CCDC22: variants seen among roughly 807,000 people sequenced by gnomAD.
The protein encoded by CCDC22 is CCC complex scaffolding subunit CCDC22, also known as coiled-coil domain-containing protein 22.
In CCDC22, 4 loss-of-function variants were observed where a neutral mutation model predicts 53.1. That is an observed-to-expected ratio of 0.08 (90% CI 0.04 to 0.17). The LOEUF (loss-of-function observed/expected upper bound fraction) is 0.17. CCDC22 is among the 10% of genes least tolerant of loss of function. CCDC22 has a pLI of 1.00. For missense variants in CCDC22, 458 were observed against 554.0 expected (o/e 0.83, Z 1.74); for synonymous variants, 222 against 224.4 (o/e 0.99, Z 0.10).
intron 1 of CCDC22, among the ~76,000 whole-genome samples, chrX:49,236,144 C>T (rs1432165166): frequency 1.8e-5 from 2 of 109,071 alleles, no homozygotes; most frequent in Non-Finnish European, 3.8e-5. Flanking sequence ...GGACCAGATA[C>T]TTGGGATCCT....
At chrX:49,243,527 C>T in intron 6 of CCDC22, 65 bp downstream of exon 6, 1 of 914,848 alleles carries the variant, frequency 1.1e-6, no homozygotes, top group Non-Finnish European at 1.5e-6. Flanking sequence ...CGCTGGTCCT[C>T]TGCTCTCCTT....
intron 6 of CCDC22, 154 bp downstream of exon 6, chrX:49,243,616 C>A: frequency 2.1e-6 from 1 of 472,199 alleles, no homozygotes; most frequent in Non-Finnish European, 3.4e-6. Flanking sequence ...ACACTGGAGT[C>A]AGAAAAAAGG....
rs929912995 is a variant in CCDC22, at chrX:49,249,647, C to T, written c.1696-4C>T. 3.3e-6 allele frequency: 4 copies of T among 1,210,539 alleles called. No homozygotes were observed. Among genetic ancestry groups the T allele is most frequent in the Non-Finnish European group, 4.5e-6 (4 of 895,083 alleles). On this transcript the variant is annotated splice_polypyrimidine_tract_variant and splice_region_variant and intron_variant, in intron 15 of 16. Transcript: ENST00000376227. Reference sequence around the variant, plus strand: ...TGCAAGCCTTCTGCTCCTGTTGTCCCCAGAACTGCAGCCAGCTCATCCAGA... The same window carrying T: ...TGCAAGCCTTCTGCTCCTGTTGTCCTCAGAACTGCAGCCAGCTCATCCAGA...
chrX:49,248,775 G>A, intron 12 of CCDC22, 41 bp downstream of exon 12: 1 of 1,206,658 alleles, frequency 8.3e-7, no homozygotes, highest in Non-Finnish European at 1.1e-6. Context: ...TAGGAGGGTG[G>A]GGGGATGGTC....
At chrX:49,241,806 A>C (rs782595790) in intron 2 of CCDC22, among the ~76,000 whole-genome samples, 1 of 111,912 alleles carries the variant, frequency 8.9e-6, no homozygotes, top group Admixed American at 9.4e-5. Flanking sequence ...AGTCATAGAA[A>C]GGCCAGAGCT....
At chrX:49,238,468 T>C (rs1206673412) in intron 2 of CCDC22, among the ~76,000 whole-genome samples, 3 of 112,723 alleles carry the variant, frequency 2.7e-5, no homozygotes, top group Non-Finnish European at 5.6e-5. Flanking sequence ...AAGAAAGGCA[T>C]GCTGGTTACC....
chrX:49,244,995 A>C, intron 6 of CCDC22, among the ~76,000 whole-genome samples: 3 of 97,660 alleles, frequency 3.1e-5, no homozygotes, highest in Non-Finnish European at 4.1e-5. Context: ...CTCTCTGTCC[A>C]CCTCTCTGTC....
At chrX:49,243,018 T>C in intron 4 of CCDC22, 26 bp downstream of exon 4, 1 of 1,134,064 alleles carries the variant, frequency 8.8e-7, no homozygotes, top group Non-Finnish European at 1.2e-6. Flanking sequence ...CCCATGGATC[T>C]TCTCTTGTCC....
chrX:49,244,024 G>A (rs2065976921), intron 6 of CCDC22, among the ~76,000 whole-genome samples: 1 of 112,379 alleles, frequency 8.9e-6, no homozygotes, highest in Admixed American at 9.4e-5. Context: ...CCTGACCTCA[G>A]GTGATCTGCC....
intron 1 of CCDC22, 140 bp downstream of exon 1, chrX:49,235,826 TAC>T (rs797042658): frequency 0.02 from 4,809 of 238,167 alleles, 17 homozygotes; most frequent in East Asian, 0.077. Flanking sequence ...CTCACCCCCT[TAC>T]ACACACACAC....
At position 49,237,255 on chromosome X, in the gene CCDC22, G is replaced by T. The variant is rs1557112863; in HGVS notation, c.220G>T (p.Ala74Ser). ...RFRLAMSLAQ[A>S]CMDLGYPLEL... ...CCGCCTGGCCATGAGCCTGGCTCAG[G>T]CCTGCATGGTGAGTGGCCCTCCTCC... The change falls in exon 2 of 17, where the codon GCC (alanine) becomes TCC (serine). Residue 74 changes from alanine to serine, a missense_variant. By Grantham distance (99) the Ala-to-Ser change is moderately conservative. Coordinates refer to ENST00000376227, the MANE Select transcript of CCDC22 (RefSeq NM_014008.5). 8.3e-7 allele frequency: 1 copy of T among 1,202,764 alleles called. No individual in the cohort carries two copies. Among genetic ancestry groups the T allele is most frequent in the South Asian group, 1.8e-5 (1 of 56,354 alleles).
In CCDC22 at chrX:49,250,444, G is replaced by A; in HGVS notation, c.*183G>A. On this transcript the variant is annotated 3_prime_UTR_variant, in exon 17 of 17. Transcript: ENST00000376227. ...GGGGTGATAGTCCAGCATGTGGGGA[G>A]CTCGGCTGCAGTTTATTGGGGACGG... 4.0e-6 allele frequency: 2 copies of A among 506,029 alleles called. No homozygotes were observed. The highest frequency in any genetic ancestry group is 7.4e-5 in the East Asian group (2 of 27,089). 41.7% of individuals were successfully genotyped at this position (506,029 alleles called of 1,213,427 possible). A position where few individuals can be genotyped will look rare whatever the true frequency, so the allele number is the denominator to read the frequency against.
chrX:49,240,728 C>T (rs2065959989), intron 2 of CCDC22, among the ~76,000 whole-genome samples: 1 of 111,776 alleles, frequency 8.9e-6, no homozygotes, highest in South Asian at 3.7e-4. Flanking sequence ...CTCCTGGCAA[C>T]AGTTTCTGCA....
At position 49,246,664 on chromosome X, in the gene CCDC22, G is replaced by A. The variant is rs1387947366; in HGVS notation, c.715-67G>A. The A allele has an allele frequency of 5.2e-6, 5 of 964,350 alleles. No individual in the cohort carries two copies. In the African/African-American group the frequency reaches 9.9e-5, roughly 19 times the overall value. The allele number at this position is 964,350 out of a possible 1,213,427, so 79.5% of individuals were successfully genotyped here. A position where few individuals can be genotyped will look rare whatever the true frequency, so the allele number is the denominator to read the frequency against. ...ATACTCTTGTCAGGGGGTCCTTGGA[G>A]GAGGCAGGGCCTTGGGTGCTAGGTG... On this transcript the variant is annotated intron_variant, in intron 6 of 16. Coordinates refer to ENST00000376227, the MANE Select transcript of CCDC22 (RefSeq NM_014008.5).
At chrX:49,247,603 T>G in intron 8 of CCDC22, 45 bp downstream of exon 8, 1 of 1,185,970 alleles carries the variant, frequency 8.4e-7, no homozygotes, top group Non-Finnish European at 1.1e-6. Context: ...CCCTTGCTTG[T>G]CTACTGGGCC....
At chrX:49,242,414 C>T (rs1433542062) in intron 3 of CCDC22, 2 of 610,080 alleles carry the variant, frequency 3.3e-6, no homozygotes, top group African/African-American at 5.0e-5. Context: ...CCCTCTCTCT[C>T]ACTTCGCTCT....
intron 2 of CCDC22, among the ~76,000 whole-genome samples, chrX:49,239,664 C>T (rs1409517407): frequency 1.8e-5 from 2 of 110,781 alleles, no homozygotes; most frequent in African/African-American, 6.6e-5. Flanking sequence ...TCACCCAGCT[C>T]TCAGGAGTTG....
intron 6 of CCDC22, among the ~76,000 whole-genome samples, chrX:49,244,021 T>G (rs1557113829): frequency 8.9e-6 from 1 of 112,547 alleles, no homozygotes; most frequent in African/African-American, 3.2e-5. Context: ...ATTCCTGACC[T>G]CAGGTGATCT....
At chrX:49,239,834 G>A (rs1300949355) in intron 2 of CCDC22, among the ~76,000 whole-genome samples, 4 of 110,708 alleles carry the variant, frequency 3.6e-5, no homozygotes, top group Non-Finnish European at 5.7e-5. Context: ...TGAGGTGGGG[G>A]CTCAGGCTTC....
Sources: allele counts gnomAD v4.1 joint callset (sites outside exome capture counted in the v4.1 genomes callset), GRCh38; gene constraint gnomAD v4.1.1; transcripts MANE v1.5; gene names NCBI Gene and HGNC (gene_info 2026-07-23, HGNC 2026-07-21).